The following DCC variants were observed in gnomAD, a reference collection of about 807,000 sequenced individuals.
DCC encodes netrin receptor DCC.
A neutral mutation model predicts 172.5 loss-of-function variants in DCC; 58 were observed. The ratio of observed to expected loss-of-function variants is 0.34; its 90% CI spans 0.27 to 0.42. The LOEUF (loss-of-function observed/expected upper bound fraction) is 0.42, where lower values mean the gene tolerates loss of function less well. Among genes scored for constraint, DCC ranks in the 10% least tolerant of loss-of-function variants. The pLI is 1.00. For missense variants in DCC, 1,740 were observed against 1,791.0 expected, an observed-to-expected ratio of 0.97 and a Z score of 0.51; for synonymous variants, 709 against 644.5, an observed-to-expected ratio of 1.10 and a Z score of -1.52.
At chr18:53,502,088 T>G (rs2046108189) in intron 27 of DCC, among the ~76,000 whole-genome samples, 1 of 152,188 alleles carries the variant, frequency 6.6e-6, no homozygotes, top group Admixed American at 6.5e-5. Context: ...TCTCGTTTTC[T>G]TTTATTTTCA....
chr18:52,349,609 T>C (rs1424634824), intron 1 of DCC, among the ~76,000 whole-genome samples: 1 of 152,186 alleles, frequency 6.6e-6, no homozygotes, highest in Non-Finnish European at 1.5e-5. Context: ...CTGTTAAAAG[T>C]TTATTTTACA....
chr18:53,121,543 A>G (rs575234241), intron 7 of DCC, among the ~76,000 whole-genome samples: 80 of 152,026 alleles, frequency 5.3e-4, no homozygotes, highest in African/African-American at 1.8e-3. Context: ...ATTTGAATTC[A>G]TGATTCTACA....
Position 52,603,170 on chromosome 18 carries a change from A to G in DCC, c.92-148884A>G, listed in dbSNP as rs143654423. 7.2e-5 allele frequency among the ~76,000 whole-genome samples: 11 copies of G among 152,172 alleles called. No homozygotes were observed. The East Asian group carries it at 2.1e-3, about 29-fold the overall frequency. On this transcript the variant is annotated intron_variant, in intron 1 of 28. Transcript: ENST00000442544. ...TAAAAATCTCTAGGGATGGAGACTG[A>G]AAAGCTGATATTTACAATAAGATGA...
At chr18:52,747,662 T>C (rs2036926632) in intron 1 of DCC, among the ~76,000 whole-genome samples, 1 of 152,180 alleles carries the variant, frequency 6.6e-6, no homozygotes, top group Admixed American at 6.5e-5. Flanking sequence ...CTTCCTCTCT[T>C]CATACATTAA....
chr18:52,824,725 C>T (rs1404312461), intron 2 of DCC, among the ~76,000 whole-genome samples: 1 of 152,044 alleles, frequency 6.6e-6, no homozygotes, highest in Admixed American at 6.6e-5. Flanking sequence ...AATCCCAGCA[C>T]TTTGGGAGGC....
At chr18:52,860,530 A>C (rs1324065818) in intron 2 of DCC, among the ~76,000 whole-genome samples, 1 of 152,266 alleles carries the variant, frequency 6.6e-6, no homozygotes. Flanking sequence ...AAACATATGT[A>C]CTACAGTTTT....
chr18:52,932,456 T>A (rs1416016355), intron 5 of DCC, among the ~76,000 whole-genome samples: 1 of 152,164 alleles, frequency 6.6e-6, no homozygotes, highest in Non-Finnish European at 1.5e-5. Flanking sequence ...TGGACAAACC[T>A]TGTGTACTGT....
intron 17 of DCC, among the ~76,000 whole-genome samples, chr18:53,396,452 A>G (rs1430675529): frequency 6.6e-6 from 1 of 152,234 alleles, no homozygotes; most frequent in Admixed American, 6.5e-5. Context: ...CATTTAAAAG[A>G]CAAAGAATGA....
intron 12 of DCC, among the ~76,000 whole-genome samples, chr18:53,226,143 G>T (rs925088057): frequency 6.6e-6 from 1 of 152,134 alleles, no homozygotes; most frequent in Non-Finnish European, 1.5e-5. Flanking sequence ...AGCCAGGGCT[G>T]TTGGTCATTT....
At chr18:53,395,182 G>A (rs1393838481) in intron 17 of DCC, among the ~76,000 whole-genome samples, 1 of 151,570 alleles carries the variant, frequency 6.6e-6, no homozygotes, top group African/African-American at 2.4e-5. Flanking sequence ...GGCTCAGACA[G>A]GTACCATCTG....
chr18:53,401,750 A>G (rs993411911), intron 18 of DCC, among the ~76,000 whole-genome samples: 12 of 152,328 alleles, frequency 7.9e-5, no homozygotes, highest in South Asian at 2.1e-4. Context: ...TGCCGTGGAT[A>G]ACAGACTTGT....
intron 1 of DCC, among the ~76,000 whole-genome samples, chr18:52,620,020 C>T (rs1178536879): frequency 6.6e-6 from 1 of 152,198 alleles, no homozygotes; most frequent in African/African-American, 2.4e-5. Flanking sequence ...TTGAAGAAGC[C>T]ATTGGAAAGG....
At chr18:52,890,636 G>C (rs1426110380) in intron 2 of DCC, among the ~76,000 whole-genome samples, 1 of 152,088 alleles carries the variant, frequency 6.6e-6, no homozygotes, top group Non-Finnish European at 1.5e-5. Flanking sequence ...GATGAACTCT[G>C]TTGGTATCTT....
intron 21 of DCC, among the ~76,000 whole-genome samples, chr18:53,433,784 A>G (rs528841541): frequency 1.3e-5 from 2 of 152,216 alleles, no homozygotes; most frequent in East Asian, 3.9e-4. Context: ...CCCCCTGTAC[A>G]CACACATAGG....
At chr18:52,609,802 T>C (rs932439141) in intron 1 of DCC, among the ~76,000 whole-genome samples, 1 of 151,864 alleles carries the variant, frequency 6.6e-6, no homozygotes, top group African/African-American at 2.4e-5. Context: ...CTAGAAGATA[T>C]AGATGACTCA....
chr18:52,978,500 A>G (rs957502445), intron 5 of DCC, among the ~76,000 whole-genome samples: 2 of 152,138 alleles, frequency 1.3e-5, no homozygotes, highest in South Asian at 2.1e-4. Context: ...TAATTGCTTT[A>G]TGTGTATTAA....
chr18:53,379,981 G>T (rs1034570924), intron 15 of DCC, among the ~76,000 whole-genome samples: 1 of 152,072 alleles, frequency 6.6e-6, no homozygotes, highest in African/African-American at 2.4e-5. Context: ...GCTTTATTTT[G>T]CAGAGGCAAC....
At chr18:53,099,380 T>A (rs1024120305) in intron 7 of DCC, among the ~76,000 whole-genome samples, 1 of 152,180 alleles carries the variant, frequency 6.6e-6, no homozygotes, top group African/African-American at 2.4e-5. Context: ...AGCTTCCTAC[T>A]ATGCCCTTTG....
At position 53,276,626 on chromosome 18, in the gene DCC, T is replaced by C. The variant is rs113705075; in HGVS notation, c.1912-28952T>C. On this transcript the variant is annotated intron_variant, in intron 12 of 28. Transcript: ENST00000442544. ...AGAGATGTTTAAAGCTGAACCAGTA[T>C]GATTAATAATCATGCAGATGGAAAT... 1.3e-3 allele frequency among the ~76,000 whole-genome samples: 192 copies of C among 152,242 alleles called. 1 individual carries two copies. Among genetic ancestry groups the C allele is most frequent in the African/African-American group, 4.1e-3 (170 of 41,542 alleles).
Sources: allele counts gnomAD v4.1 joint callset (sites outside exome capture counted in the v4.1 genomes callset), GRCh38; gene constraint gnomAD v4.1.1; transcripts MANE v1.5; gene names NCBI Gene and HGNC (gene_info 2026-07-23, HGNC 2026-07-21).